SLC6A11: variants seen among roughly 807,000 people sequenced by gnomAD.
SLC6A11 encodes the protein solute carrier family 6 member 11, also known as sodium- and chloride-dependent GABA transporter 3.
A neutral mutation model predicts 74.8 loss-of-function variants in SLC6A11; 25 were observed. The ratio of observed to expected loss-of-function variants is 0.33; its 90% CI spans 0.24 to 0.47. The LOEUF is 0.47. Ranked by LOEUF, SLC6A11 falls within the 20% of genes least tolerant of loss-of-function variation. The probability of loss-of-function intolerance (pLI) is 1.00; values close to 1 mark genes in which losing one functional copy is unlikely to be tolerated. For synonymous variants in SLC6A11, 330 were observed against 330.2 expected, an observed-to-expected ratio of 1.00 and a Z score of 0.01; for missense variants, 574 against 837.0, an observed-to-expected ratio of 0.69 and a Z score of 3.88.
chr3:10,880,349 G>A (rs987133901), intron 6 of SLC6A11, among the ~76,000 whole-genome samples: 2 of 152,204 alleles, frequency 1.3e-5, no homozygotes, highest in South Asian at 2.1e-4. Flanking sequence ...ATTGCACCAC[G>A]AAGAAAAGTT....
chr3:10,850,447 G>A (rs1559559798), intron 5 of SLC6A11, among the ~76,000 whole-genome samples: 1 of 152,196 alleles, frequency 6.6e-6, no homozygotes. Context: ...ACCAGACCAT[G>A]GGGCTTACCA....
chr3:10,934,227 C>T (rs576999138), intron 12 of SLC6A11, 61 bp downstream of exon 12: 90 of 1,160,970 alleles, frequency 7.8e-5, no homozygotes, highest in Middle Eastern at 2.0e-4. Context: ...CTCCAACCCA[C>T]GTTTCCACTC....
chr3:10,913,745 C>G (rs1179692170), intron 7 of SLC6A11, among the ~76,000 whole-genome samples: 1 of 152,188 alleles, frequency 6.6e-6, no homozygotes, highest in African/African-American at 2.4e-5. Flanking sequence ...CCAGGCTGGA[C>G]TGCAGTGGCA....
intron 5 of SLC6A11, among the ~76,000 whole-genome samples, chr3:10,864,862 T>C (rs1694745354): frequency 6.6e-6 from 1 of 152,196 alleles, no homozygotes; most frequent in Admixed American, 6.5e-5. Flanking sequence ...GTCTTTCTTA[T>C]CTCTGGGTTC....
chr3:10,929,453 G>A (rs550640689), intron 10 of SLC6A11, 114 bp downstream of exon 10: 106 of 1,100,422 alleles, frequency 9.6e-5, no homozygotes, highest in Admixed American at 3.1e-4. Context: ...TCTGCCACTC[G>A]GTTTATGCTT....
At chr3:10,933,283 C>G (rs1300063566) in intron 11 of SLC6A11, 30 bp downstream of exon 11, 1 of 1,486,922 alleles carries the variant, frequency 6.7e-7, no homozygotes, top group East Asian at 2.3e-5. Flanking sequence ...GTCCACACCC[C>G]AGCTGCCCAC....
In SLC6A11 at chr3:10,898,167, GC is replaced by G. The variant is rs200482393; in HGVS notation, c.892-13921del. 8.4e-3 allele frequency among the ~76,000 whole-genome samples: 1,282 copies of G among 152,262 alleles called. 6 individuals are homozygous for G. Among genetic ancestry groups the G allele is most frequent in the Middle Eastern group, 0.034 (10 of 294 alleles). Reference sequence around the variant, plus strand: ...AGCCCAGGACACCATTTTCTCCTAGGCCTCTGGGCCTGTGATGGGAGGGGCT... The same window carrying G: ...AGCCCAGGACACCATTTTCTCCTAGGCTCTGGGCCTGTGATGGGAGGGGCT... On this transcript the variant is annotated intron_variant, in intron 6 of 13. Coordinates refer to ENST00000254488, the MANE Select transcript of SLC6A11 (RefSeq NM_014229.3).
At chr3:10,882,274 A>T (rs554127561) in intron 6 of SLC6A11, among the ~76,000 whole-genome samples, 1 of 152,218 alleles carries the variant, frequency 6.6e-6, no homozygotes, top group South Asian at 2.1e-4. Context: ...TAGCTTCTCC[A>T]CTGATCAAGA....
intron 5 of SLC6A11, among the ~76,000 whole-genome samples, chr3:10,863,214 T>C (rs942033362): frequency 1.4e-4 from 21 of 152,186 alleles, no homozygotes; most frequent in African/African-American, 4.8e-4. Context: ...AACAGCTGAC[T>C]GTATTACAAG....
At chr3:10,854,479 C>G (rs1365686431) in intron 5 of SLC6A11, among the ~76,000 whole-genome samples, 2 of 152,236 alleles carry the variant, frequency 1.3e-5, no homozygotes, top group Non-Finnish European at 2.9e-5. Flanking sequence ...GTGTTGCCCT[C>G]TAATCCTTAA....
At chr3:10,914,435 C>T (rs1466295876) in intron 7 of SLC6A11, among the ~76,000 whole-genome samples, 4 of 152,178 alleles carry the variant, frequency 2.6e-5, no homozygotes, top group South Asian at 2.1e-4. Context: ...AGTGGCACAG[C>T]CTATAGAGTT....
chr3:10,853,716 C>A (rs541583664), intron 5 of SLC6A11, among the ~76,000 whole-genome samples: 1 of 152,200 alleles, frequency 6.6e-6, no homozygotes, highest in Non-Finnish European at 1.5e-5. Context: ...CCCCGGTTAT[C>A]CCACATAATC....
At chr3:10,857,275 G>A (rs1262693329) in intron 5 of SLC6A11, among the ~76,000 whole-genome samples, 1 of 152,186 alleles carries the variant, frequency 6.6e-6, no homozygotes, top group Admixed American at 6.5e-5. Context: ...CATTGGAGGA[G>A]TGGTGTGGAA....
Position 10,938,517 on chromosome 3 carries a change from A to C in SLC6A11, c.*115A>C. 1 of 1,139,018 alleles carries C rather than the reference A, an allele frequency of 8.8e-7. No individual in the cohort carries two copies. Among genetic ancestry groups the C allele is most frequent in the Non-Finnish European group, 1.2e-6 (1 of 817,002 alleles). 70.6% of individuals were successfully genotyped at this position (1,139,018 alleles called of 1,614,324 possible). A position where few individuals can be genotyped will look rare whatever the true frequency, so the allele number is the denominator to read the frequency against. ...GGGCTTGCTTGTTTTGCACAGGATTAATTAACAAGTTAATTTTAAGGTGGC... is the reference window on the plus strand; with the variant it reads ...GGGCTTGCTTGTTTTGCACAGGATTCATTAACAAGTTAATTTTAAGGTGGC... On this transcript the variant is annotated 3_prime_UTR_variant, in exon 14 of 14. Coordinates refer to ENST00000254488, the MANE Select transcript of SLC6A11 (RefSeq NM_014229.3).
At chr3:10,823,120 T>A (rs1344782842) in intron 3 of SLC6A11, among the ~76,000 whole-genome samples, 182 bp from the exon 4 acceptor site, 1 of 152,236 alleles carries the variant, frequency 6.6e-6, no homozygotes, top group African/African-American at 2.4e-5. Context: ...CCTCCTGTTC[T>A]AATCAGTCCA....
rs1694070030 is a variant in SLC6A11, at chr3:10,816,905, T to A, written c.256+384T>A. Among the ~76,000 whole-genome samples the A allele has an allele frequency of 6.6e-6, 1 of 152,164 alleles. No individual in the cohort carries two copies. The highest frequency in any genetic ancestry group is 2.4e-5 in the African/African-American group (1 of 41,450). The stretch of plus-strand genomic sequence containing the variant: ...CCTGTGGGGAAGGGACTCCTGATGA[T>A]CAAAGTGGTCTCAGTTTTTGCGCGC... On this transcript the variant is annotated intron_variant, in intron 1 of 13. Transcript: ENST00000254488. This position sits in a 1 kb window ranked among gnomAD's most constrained non-coding sequence, Gnocchi z 4.2.
Position 10,926,970 on chromosome 3 carries a change from G to GTGCAGGGGCCTC in SLC6A11, c.1233+861_1233+872dup, listed in dbSNP as rs1462384174. Among the ~76,000 whole-genome samples the GTGCAGGGGCCTC allele has an allele frequency of 2.0e-5, 3 of 152,124 alleles. No homozygotes were observed. The highest frequency in any genetic ancestry group is 4.4e-5 in the Non-Finnish European group (3 of 68,016). On this transcript the variant is annotated intron_variant, in intron 9 of 13. Transcript: ENST00000254488. This position sits in a 1 kb window ranked among gnomAD's most constrained non-coding sequence, Gnocchi z 5.7. ...TCTCTTGGCCAACCAGTGCTGTGCT[G>GTGCAGGGGCCTC]TGCAGGGGCCTCTGCAGGCAAAGCA...
At chr3:10,916,334 A>T (rs1274100328) in intron 7 of SLC6A11, among the ~76,000 whole-genome samples, 2 of 152,184 alleles carry the variant, frequency 1.3e-5, no homozygotes, top group Non-Finnish European at 2.9e-5. Flanking sequence ...TCAGTCATCC[A>T]TGGCCACAAT....
chr3:10,899,686 C>G (rs919675647), intron 6 of SLC6A11, among the ~76,000 whole-genome samples: 4 of 152,228 alleles, frequency 2.6e-5, no homozygotes, highest in Admixed American at 1.3e-4. Context: ...TGCCAGCCTT[C>G]CAGGCCAGCA....
Sources: gnomAD v4.1 joint callset for allele counts (sites outside exome capture counted in the v4.1 genomes callset) on GRCh38, gnomAD v4.1.1 for gene constraint, Gnocchi (gnomAD v3.1) non-coding constraint, MANE v1.5 for transcripts, NCBI Gene and HGNC (gene_info 2026-07-23, HGNC 2026-07-21) for gene names.